Variants in MED13L observed in about 807,000 individuals in gnomAD.
MED13L encodes the protein mediator complex subunit 13L, also known as mediator of RNA polymerase II transcription subunit 13-like.
MED13L carries 7 observed loss-of-function variants against 220.9 expected under a neutral mutation model. The observed-to-expected ratio is 0.03, with a 90% confidence interval of 0.02 to 0.06. The LOEUF (loss-of-function observed/expected upper bound fraction) is 0.06, where lower values mean the gene tolerates loss of function less well. MED13L is among the 10% of genes least tolerant of loss of function. The pLI is 1.00. For missense variants in MED13L, 1,965 were observed against 2,760.5 expected, an observed-to-expected ratio of 0.71 and a Z score of 6.46; for synonymous variants, 1,011 against 1,015.2, an observed-to-expected ratio of 1.00 and a Z score of 0.08.
chr12:116,244,652 CT>C (rs1870948729), intron 1 of MED13L, among the ~76,000 whole-genome samples: 1 of 152,170 alleles, frequency 6.6e-6, no homozygotes, highest in Middle Eastern at 3.2e-3. Context: ...GGTTAAAAGC[CT>C]GCTTAAAAGG....
At chr12:116,258,998 T>C (rs1015375234) in intron 1 of MED13L, among the ~76,000 whole-genome samples, 7 of 151,388 alleles carry the variant, frequency 4.6e-5, no homozygotes, top group Admixed American at 3.3e-4. Flanking sequence ...ATAGGCATTA[T>C]ATATTGTCCA....
At chr12:115,996,253 G>A (rs1878396771) in intron 16 of MED13L, among the ~76,000 whole-genome samples, 1 of 151,956 alleles carries the variant, frequency 6.6e-6, no homozygotes, top group African/African-American at 2.4e-5. Context: ...ACCAAGCCCA[G>A]CTAATTTTTT....
At chr12:116,232,696 T>C (rs2138438035) in intron 2 of MED13L, among the ~76,000 whole-genome samples, 1 of 152,344 alleles carries the variant, frequency 6.6e-6, no homozygotes, top group African/African-American at 2.4e-5. Flanking sequence ...GGCAGTTCTG[T>C]GCTTGCTCTC....
intron 4 of MED13L, among the ~76,000 whole-genome samples, chr12:116,024,865 C>G (rs933803610): frequency 2.0e-5 from 3 of 149,106 alleles, no homozygotes; most frequent in Non-Finnish European, 4.4e-5. Context: ...TTCCCAGCAT[C>G]ATTTTTTGAA....
chr12:116,258,019 T>C (rs879003885), intron 1 of MED13L, among the ~76,000 whole-genome samples: 1 of 152,344 alleles, frequency 6.6e-6, no homozygotes, highest in Admixed American at 6.5e-5. Flanking sequence ...CAAATCTATA[T>C]GCTCCAGTGA....
intron 2 of MED13L, among the ~76,000 whole-genome samples, chr12:116,209,775 C>T (rs1882577207): frequency 6.6e-6 from 1 of 152,158 alleles, no homozygotes; most frequent in Admixed American, 6.6e-5. Flanking sequence ...ATGACACTTT[C>T]TCAAATGATA....
intron 3 of MED13L, among the ~76,000 whole-genome samples, chr12:116,102,739 T>TTTG (rs1252419011): frequency 1.6e-5 from 2 of 126,480 alleles, no homozygotes; most frequent in African/African-American, 6.2e-5. Context: ...TTTTTTTTTT[T>TTTG]GATACGGAGT....
rs57622950 is a variant in MED13L, at chr12:116,119,809, TAAAAAAAAAAAAA to T, written c.311-8310_311-8298del. Among the ~76,000 whole-genome samples the T allele has an allele frequency of 1.5e-3, 58 of 38,778 alleles. 1 individual carries two copies. Among genetic ancestry groups the T allele is most frequent in the Middle Eastern group, 0.017 (1 of 58 alleles). The allele number at this position is 38,778 out of a possible 152,430, so 25.4% of individuals were successfully genotyped here. A position where few individuals can be genotyped will look rare whatever the true frequency, so the allele number is the denominator to read the frequency against. On this transcript the variant is annotated intron_variant, in intron 2 of 30. Coordinates refer to ENST00000281928, the MANE Select transcript of MED13L (RefSeq NM_015335.5). Reference sequence around the variant, plus strand: ...GCAAGAGAGAAAGACCCCATATCTTTAAAAAAAAAAAAAAAAAAAAAAAAAAAAAATATATATA... The same window carrying T: ...GCAAGAGAGAAAGACCCCATATCTTTAAAAAAAAAAAAAAAAATATATATA...
chr12:115,984,232 A>G lies in MED13L; in HGVS notation c.4479T>C (p.Asn1493=). 1 of 1,613,990 alleles carries G rather than the reference A, an allele frequency of 6.2e-7. No homozygotes were observed. Reference sequence around the variant, plus strand: ...AAAGTTTGAGTCTGGAATGATTGTCATTCTCCTCGCCGCTCCAAGGCTGGT... The same window carrying G: ...AAAGTTTGAGTCTGGAATGATTGTCGTTCTCCTCGCCGCTCCAAGGCTGGT... ...WFNQPWSGEE[N]DNHSRLKLYA... is the part of the protein sequence containing the mutation. The change falls in exon 20 of 31, where the codon AAT becomes AAC. Residue 1493 remains asparagine (N), a synonymous_variant. Coordinates refer to ENST00000281928, the MANE Select transcript of MED13L (RefSeq NM_015335.5).
intron 2 of MED13L, among the ~76,000 whole-genome samples, chr12:116,226,568 T>C (rs1391162660): frequency 3.3e-5 from 5 of 152,184 alleles, no homozygotes; most frequent in African/African-American, 4.8e-5. Context: ...CATGATGTTC[T>C]ATACTTAAAA....
rs867194937 is a variant in MED13L at position 116,019,879 on chromosome 12, T to C, written c.719A>G (p.Gln240Arg). 4 of 1,613,870 alleles carry C rather than the reference T, an allele frequency of 2.5e-6. No homozygotes were observed. The African/African-American group carries it at 4.0e-5, about 16-fold the overall frequency. Residue 240 changes from glutamine to arginine, a missense_variant, in exon 6 of 31, where the codon CAG (glutamine) becomes CGG (arginine). Transcript: ENST00000281928. Reference sequence around the variant, plus strand: ...TTTTAGCACCATCGGGTAGAAATACTGCCATTCCTCAATCAACTTACGAGT... The same window carrying C: ...TTTTAGCACCATCGGGTAGAAATACCGCCATTCCTCAATCAACTTACGAGT... ...PATRKLIEEW[Q>R]YFYPMVLKKK...
At chr12:116,115,630 T>G (rs1388903370) in intron 2 of MED13L, among the ~76,000 whole-genome samples, 1 of 151,806 alleles carries the variant, frequency 6.6e-6, no homozygotes, top group Non-Finnish European at 1.5e-5. Context: ...GTATTCAGAA[T>G]ACGTTACTTT....
intron 2 of MED13L, among the ~76,000 whole-genome samples, chr12:116,169,973 C>T (rs1879553611): frequency 1.3e-5 from 2 of 152,170 alleles, no homozygotes; most frequent in Non-Finnish European, 2.9e-5. Context: ...GCTACGATCA[C>T]GCCACTGCAC....
intron 2 of MED13L, among the ~76,000 whole-genome samples, chr12:116,207,151 T>C (rs1346920938): frequency 6.6e-6 from 1 of 151,530 alleles, no homozygotes; most frequent in Admixed American, 6.6e-5. Flanking sequence ...GAATTTTTAC[T>C]GCACCTTTTT....
rs149358508 is a variant in MED13L, at chr12:115,983,449, C to T, written c.4623G>A (p.Thr1541=). The T allele has an allele frequency of 1.2e-5, 20 of 1,614,050 alleles. 1 individual carries two copies. The African/African-American group carries it at 2.0e-4, about 16-fold the overall frequency. The part of the protein sequence containing the change: ...TPPAAAQGQA[T]PGNAGPLAPN... ...GAGCTAAGGGCCCAGCATTCCCTGG[C>T]GTAGCTTGTCCCTGTGCTGCTGCTG... The change falls in exon 21 of 31, where the codon ACG becomes ACA. Residue 1541 remains threonine (T), a synonymous_variant. Transcript: ENST00000281928.
In MED13L at chr12:115,991,203, G is replaced by A. The variant is rs781283097; in HGVS notation, c.3751C>T (p.Arg1251Cys). The change falls in exon 17 of 31, where the codon CGC (arginine) becomes TGC (cysteine). Residue 1251 changes from arginine (R) to cysteine (C), a missense_variant. Arg to Cys is a radical substitution (Grantham distance 180, BLOSUM62 -3). Transcript: ENST00000281928. The surrounding 1 kb of genome is among the most constrained non-coding windows in gnomAD (Gnocchi z 7.7). ...NFLDYISSNNRQTLPCVSWSY... is the reference protein window; with the variant it reads ...NFLDYISSNNCQTLPCVSWSY... ...CAGCTTACACAGGGAAGAGTTTGGC[G>A]ATTGTTAGAGGAAATGTAGTCCAGG... The A allele has an allele frequency of 1.2e-5, 20 of 1,614,048 alleles. No individual in the cohort carries two copies. The highest frequency in any genetic ancestry group is 1.0e-4 in the Admixed American group (6 of 60,010).
At chr12:116,038,070 G>T (rs1017240273) in intron 4 of MED13L, among the ~76,000 whole-genome samples, 1 of 152,056 alleles carries the variant, frequency 6.6e-6, no homozygotes, top group Non-Finnish European at 1.5e-5. Context: ...ATTCAATGGG[G>T]AGTGTGTCTG....
chr12:116,003,141 A>C (rs201644885), intron 13 of MED13L, 39 bp from the exon 14 acceptor site: 285 of 1,549,780 alleles, frequency 1.8e-4, no homozygotes, highest in Non-Finnish European at 2.4e-4. Context: ...AGTGACGTGT[A>C]TATAAGTAGG....
chr12:116,056,782 T>C (rs543499232), intron 4 of MED13L, among the ~76,000 whole-genome samples: 35 of 152,324 alleles, frequency 2.3e-4, no homozygotes, highest in African/African-American at 7.5e-4. Context: ...AATTATAGGA[T>C]AGAAATTACT....
Sources: allele counts gnomAD v4.1 joint callset (sites outside exome capture counted in the v4.1 genomes callset), GRCh38; gene constraint gnomAD v4.1.1; non-coding constraint Gnocchi (gnomAD v3.1); transcripts MANE v1.5; gene names NCBI Gene and HGNC (gene_info 2026-07-23, HGNC 2026-07-21).